SND1: variants seen among roughly 807,000 people sequenced by gnomAD.
SND1 encodes the protein staphylococcal nuclease domain-containing protein 1.
SND1 carries 38 observed loss-of-function variants against 121.7 expected under a neutral mutation model. That is an observed-to-expected ratio of 0.31 (90% CI 0.24 to 0.41). The LOEUF is 0.41. Ranked by LOEUF, SND1 falls within the 10% of genes least tolerant of loss-of-function variation. SND1 has a pLI of 1.00. For synonymous variants in SND1, 401 were observed against 447.4 expected, an observed-to-expected ratio of 0.90 and a Z score of 1.31; for missense variants, 868 against 1,184.6, an observed-to-expected ratio of 0.73 and a Z score of 3.92.
intron 16 of SND1, among the ~76,000 whole-genome samples, chr7:128,034,599 T>C (rs1792714052): frequency 6.6e-6 from 1 of 152,174 alleles, no homozygotes; most frequent in Non-Finnish European, 1.5e-5. Context: ...CCCCGCACTA[T>C]AAAGGTAGAT....
intron 10 of SND1, among the ~76,000 whole-genome samples, chr7:127,726,710 G>C (rs185579160): frequency 1.3e-5 from 2 of 152,252 alleles, no homozygotes; most frequent in Non-Finnish European, 2.9e-5. Flanking sequence ...CCAGGCATCC[G>C]ATGAAGGGGC....
chr7:127,772,571 A>G (rs1364478250), intron 10 of SND1, among the ~76,000 whole-genome samples: 1 of 152,212 alleles, frequency 6.6e-6, no homozygotes, highest in Non-Finnish European at 1.5e-5. Context: ...ATTGTCAGAA[A>G]TCCTCAAAAA....
chr7:127,775,334 CTTT>C (rs1229116391), intron 10 of SND1, among the ~76,000 whole-genome samples: 1 of 147,882 alleles, frequency 6.8e-6, no homozygotes, highest in African/African-American at 2.5e-5. Context: ...CCACCCCCAC[CTTT>C]TTTTTTTCTT....
At position 127,990,969 on chromosome 7, in the gene SND1, C is replaced by A. The variant is rs748594412; in HGVS notation, c.1692C>A (p.Ala564=). 3.7e-6 allele frequency: 6 copies of A among 1,613,886 alleles called. No individual in the cohort carries two copies. The highest frequency in any genetic ancestry group is 5.1e-6 in the Non-Finnish European group (6 of 1,179,916). Residue 564 remains alanine (A), a synonymous_variant, in exon 16 of 24, where the codon GCC becomes GCA. Coordinates refer to ENST00000354725, the MANE Select transcript of SND1 (RefSeq NM_014390.4). ...CAGGCATTGAATGCCCCAGAGGAGC[C>A]CGAAACCTCCCAGGCTTGGTGCAGG... The part of the protein sequence containing the change: ...LLAGIECPRG[A]RNLPGLVQEG...
chr7:127,767,336 C>G (rs779513544), intron 10 of SND1, among the ~76,000 whole-genome samples: 1 of 152,176 alleles, frequency 6.6e-6, no homozygotes, highest in Non-Finnish European at 1.5e-5. Flanking sequence ...AGCTTCCTAT[C>G]CTGGTCTTCC....
chr7:127,976,615 A>C (rs571392319), intron 15 of SND1, among the ~76,000 whole-genome samples: 2 of 152,326 alleles, frequency 1.3e-5, no homozygotes, highest in Admixed American at 1.3e-4. Flanking sequence ...GCATCAGTGG[A>C]AAGTAAAGGA....
intron 15 of SND1, among the ~76,000 whole-genome samples, chr7:127,964,080 C>T (rs1338803315): frequency 1.7e-3 from 257 of 150,622 alleles, no homozygotes; most frequent in Middle Eastern, 6.9e-3. Context: ...TCATGTCCTT[C>T]GCCCACTTTT....
intron 11 of SND1, among the ~76,000 whole-genome samples, chr7:127,812,784 CT>C (rs900603283): frequency 1.3e-5 from 2 of 152,180 alleles, no homozygotes; most frequent in South Asian, 2.1e-4. Context: ...CAGGGTTGTG[CT>C]TTTCCTTAAA....
At chr7:128,087,089 C>A in intron 21 of SND1, 38 bp downstream of exon 21, 1 of 1,507,288 alleles carries the variant, frequency 6.6e-7, no homozygotes, top group Non-Finnish European at 9.2e-7. Context: ...AGGGGACTAT[C>A]CACTGACACT....
chr7:127,700,090 A>G (rs919550327), intron 4 of SND1, among the ~76,000 whole-genome samples: 1 of 152,172 alleles, frequency 6.6e-6, no homozygotes, highest in African/African-American at 2.4e-5. Flanking sequence ...TACTGGCTTG[A>G]TTACCATTTC....
chr7:127,857,480 A>G (rs956053698), intron 12 of SND1, among the ~76,000 whole-genome samples: 4 of 151,040 alleles, frequency 2.6e-5, no homozygotes, highest in African/African-American at 7.3e-5. Flanking sequence ...ACTTTTTTAA[A>G]AATGTATTTT....
chr7:127,679,314 A>C lies in SND1; in HGVS notation c.79-7299A>C, dbSNP rs535471283. Reference sequence around the variant, plus strand: ...GCTTCTCAGGCAGCTGCCATTTAAAAAAATTTTTTTGTTAATGTTTTTCAG... The same window carrying C: ...GCTTCTCAGGCAGCTGCCATTTAAACAAATTTTTTTGTTAATGTTTTTCAG... On this transcript the variant is annotated intron_variant, in intron 1 of 23. Coordinates refer to ENST00000354725, the MANE Select transcript of SND1 (RefSeq NM_014390.4). 6.6e-4 allele frequency: 101 copies of C among 152,264 alleles called. 1 individual carries two copies. Among genetic ancestry groups the C allele is most frequent in the Admixed American group, 6.5e-3 (99 of 15,288 alleles). The allele number at this position is 152,264 out of a possible 1,614,324, so 9.4% of individuals were successfully genotyped here.
In SND1 at chr7:128,084,837, G is replaced by T. The variant is rs1308726119; in HGVS notation, c.2224G>T (p.Asp742Tyr). 6.3e-7 allele frequency: 1 copy of T among 1,597,072 alleles called. No individual in the cohort carries two copies. Among genetic ancestry groups the T allele is most frequent in the Admixed American group, 1.7e-5 (1 of 58,956 alleles). ...AGAGTTCTGCATTGCCAAATTTGTA[G>T]ATGGAGAATGGTAAGCCACTTGGAA... Reference protein sequence around the residue: ...RGEFCIAKFVDGEWYRARVEK... With the variant: ...RGEFCIAKFVYGEWYRARVEK... Residue 742 changes from aspartate (D) to tyrosine (Y), a missense_variant, in exon 19 of 24, where the codon GAT becomes TAT. Transcript: ENST00000354725.
intron 9 of SND1, among the ~76,000 whole-genome samples, chr7:127,710,470 A>C (rs936565794): frequency 2.0e-5 from 3 of 151,114 alleles, no homozygotes; most frequent in Non-Finnish European, 4.4e-5. Context: ...AAAAGTCAGC[A>C]ATGTTCTTAG....
chr7:127,755,898 A>G (rs984534486), intron 10 of SND1, among the ~76,000 whole-genome samples: 1 of 152,274 alleles, frequency 6.6e-6, no homozygotes, highest in Non-Finnish European at 1.5e-5. Context: ...ATACGCAAAT[A>G]CAAGAGTATG....
chr7:128,047,331 C>G (rs1584760549), intron 16 of SND1, among the ~76,000 whole-genome samples: 1 of 152,246 alleles, frequency 6.6e-6, no homozygotes, highest in Non-Finnish European at 1.5e-5. Context: ...GGTCCCTTCC[C>G]TGCTATTGCC....
At chr7:128,008,863 C>T (rs542433454) in intron 16 of SND1, among the ~76,000 whole-genome samples, 3 of 152,294 alleles carry the variant, frequency 2.0e-5, no homozygotes, top group African/African-American at 7.2e-5. Flanking sequence ...TTTATTAACT[C>T]TGATTTTTTT....
chr7:128,020,990 G>GA (rs909591057), intron 16 of SND1, among the ~76,000 whole-genome samples: 8 of 151,822 alleles, frequency 5.3e-5, no homozygotes, highest in Non-Finnish European at 8.8e-5. Context: ...CATTTCTAAT[G>GA]AAAAAAATAG....
chr7:128,028,574 TAATA>T (rs1280872605), intron 16 of SND1: 39 of 1,088,134 alleles, frequency 3.6e-5, no homozygotes, highest in Admixed American at 1.2e-4. Flanking sequence ...CCCATAGACT[TAATA>T]TATAAGCATA....
Sources: allele counts gnomAD v4.1 joint callset (sites outside exome capture counted in the v4.1 genomes callset), GRCh38; gene constraint gnomAD v4.1.1; transcripts MANE v1.5; gene names NCBI Gene and HGNC (gene_info 2026-07-23, HGNC 2026-07-21).